Variants in PDE4D observed in about 807,000 individuals in gnomAD.
The protein encoded by PDE4D is phosphodiesterase 4D, also known as 3',5'-cyclic-AMP phosphodiesterase 4D.
A neutral mutation model predicts 87.4 loss-of-function variants in PDE4D; 24 were observed. The ratio of observed to expected loss-of-function variants is 0.27; its 90% confidence interval spans 0.20 to 0.39. PDE4D has a LOEUF of 0.39. PDE4D is among the 10% of genes least tolerant of loss of function. PDE4D has a pLI of 1.00. For synonymous variants in PDE4D, 384 were observed against 383.2 expected (o/e 1.00, Z -0.02); for missense variants, 714 against 1,041.0 (o/e 0.69, Z 4.32).
chr5:59,572,021 G>C (rs1480217359), intron 1 of PDE4D, among the ~76,000 whole-genome samples: 14 of 152,098 alleles, frequency 9.2e-5, no homozygotes, highest in African/African-American at 3.4e-4. Flanking sequence ...CTTATGAATT[G>C]AATTTGTGCT....
chr5:59,800,648 A>C (rs1767017926), intron 1 of PDE4D, among the ~76,000 whole-genome samples: 1 of 146,676 alleles, frequency 6.8e-6, no homozygotes. Context: ...CACACCTAAC[A>C]CCTCTCACAA....
chr5:60,302,691 T>C (rs935180981), intron 1 of PDE4D, among the ~76,000 whole-genome samples: 3 of 152,226 alleles, frequency 2.0e-5, no homozygotes, highest in African/African-American at 7.2e-5. Flanking sequence ...ATCTTGGTTA[T>C]TCTTGTCTTC....
chr5:59,267,033 A>C (rs1459941867), intron 1 of PDE4D, among the ~76,000 whole-genome samples: 1 of 152,034 alleles, frequency 6.6e-6, no homozygotes, highest in Non-Finnish European at 1.5e-5. Context: ...TGCCCAATAC[A>C]TTGTAGCTAT....
chr5:60,421,904 C>T (rs1326812911), intron 1 of PDE4D, among the ~76,000 whole-genome samples: 1 of 152,194 alleles, frequency 6.6e-6, no homozygotes, highest in Non-Finnish European at 1.5e-5. Context: ...CATGCACAAG[C>T]TTCAATAGCC....
chr5:59,640,583 G>C (rs1240466009), intron 1 of PDE4D, among the ~76,000 whole-genome samples: 1 of 152,210 alleles, frequency 6.6e-6, no homozygotes, highest in Non-Finnish European at 1.5e-5. Flanking sequence ...TGTGGAGACA[G>C]AGCCTGCTGT....
chr5:59,316,084 CA>C (rs1364255180), intron 1 of PDE4D, among the ~76,000 whole-genome samples: 1 of 152,010 alleles, frequency 6.6e-6, no homozygotes, highest in Non-Finnish European at 1.5e-5. Context: ...TCCAGGAAGA[CA>C]AAAACTGAGG....
chr5:60,258,486 G>A (rs1269607991), intron 1 of PDE4D, among the ~76,000 whole-genome samples: 1 of 151,904 alleles, frequency 6.6e-6, no homozygotes, highest in African/African-American at 2.4e-5. Context: ...TGGTGAACTT[G>A]CAATGAATTT....
intron 6 of PDE4D, among the ~76,000 whole-genome samples, chr5:59,033,515 A>G (rs1467449693): frequency 1.3e-5 from 2 of 152,216 alleles, no homozygotes; most frequent in East Asian, 1.9e-4. Flanking sequence ...ACCAAACCCT[A>G]CATATTTTGT....
At chr5:60,356,780 T>A (rs1009029391) in intron 1 of PDE4D, among the ~76,000 whole-genome samples, 3 of 152,210 alleles carry the variant, frequency 2.0e-5, no homozygotes, top group Non-Finnish European at 4.4e-5. Flanking sequence ...CATTTAGCTT[T>A]CATCACACTT....
chr5:60,261,116 G>A (rs1749604490), intron 1 of PDE4D, among the ~76,000 whole-genome samples: 1 of 152,102 alleles, frequency 6.6e-6, no homozygotes, highest in Non-Finnish European at 1.5e-5. Context: ...CTTTGCTAGA[G>A]ATATTTATTT....
At chr5:60,062,838 T>C (rs1002314578) in intron 2 of PDE4D, among the ~76,000 whole-genome samples, 3 of 151,828 alleles carry the variant, frequency 2.0e-5, no homozygotes, top group Non-Finnish European at 2.9e-5. Flanking sequence ...CAGAAATCCA[T>C]CTTACTCATA....
chr5:59,515,479 A>G (rs1353374070), intron 1 of PDE4D, among the ~76,000 whole-genome samples: 1 of 152,120 alleles, frequency 6.6e-6, no homozygotes, highest in African/African-American at 2.4e-5. Flanking sequence ...AATATAGAGT[A>G]TAAAAATTGG....
chr5:59,299,873 G>A (rs1769844104), intron 1 of PDE4D, among the ~76,000 whole-genome samples: 1 of 152,158 alleles, frequency 6.6e-6, no homozygotes, highest in South Asian at 2.1e-4. Flanking sequence ...ACTTTGGGAG[G>A]CCGAGGTGGG....
chr5:59,821,024 G>T (rs1191760041), intron 1 of PDE4D, among the ~76,000 whole-genome samples: 1 of 152,118 alleles, frequency 6.6e-6, no homozygotes, highest in Admixed American at 6.6e-5. Flanking sequence ...TTGAGATCAG[G>T]AGTTTGAGAC....
intron 1 of PDE4D, among the ~76,000 whole-genome samples, chr5:60,413,930 T>C (rs1742260637): frequency 2.6e-5 from 4 of 152,234 alleles, no homozygotes; most frequent in Non-Finnish European, 5.9e-5. Context: ...GTTCACTTTG[T>C]CAAACTTTTT....
intron 1 of PDE4D, chr5:60,460,364 C>A (rs1746828672): frequency 1.0e-6 from 1 of 1,000,226 alleles, no homozygotes. Context: ...TCTTCAAATT[C>A]TGTCATTTCA....
intron 1 of PDE4D, among the ~76,000 whole-genome samples, chr5:60,380,037 G>T (rs1761736825): frequency 6.6e-6 from 1 of 152,194 alleles, no homozygotes; most frequent in Admixed American, 6.5e-5. Context: ...GGTATAAAAG[G>T]TGCTAAGATA....
At chr5:60,120,700 G>T (rs1211050140) in intron 2 of PDE4D, among the ~76,000 whole-genome samples, 1 of 152,066 alleles carries the variant, frequency 6.6e-6, no homozygotes, top group African/African-American at 2.4e-5. Context: ...TTACTGCCTG[G>T]CGAAGTTTAT....
Position 60,064,075 on chromosome 5 carries a change from T to C in PDE4D, c.43-75358A>G, listed in dbSNP as rs556760611. On this transcript the variant is annotated intron_variant, in intron 2 of 16. Transcript: ENST00000502484. The stretch of plus-strand genomic sequence containing the variant: ...TAGTTATCTGAGGACAAATTGATTT[T>C]AAGTAATTTTTTCTCTTTGCATCTT... Among the ~76,000 whole-genome samples the C allele has an allele frequency of 2.0e-5, 3 of 152,246 alleles. No individual in the cohort carries two copies. The South Asian group carries it at 6.2e-4, about 32-fold the overall frequency.
Sources: allele counts gnomAD v4.1 joint callset (sites outside exome capture counted in the v4.1 genomes callset), GRCh38; gene constraint gnomAD v4.1.1; transcripts MANE v1.5; gene names NCBI Gene and HGNC (gene_info 2026-07-23, HGNC 2026-07-21).